Variants in PABPC4L observed in about 807,000 individuals in gnomAD.
The protein encoded by PABPC4L is poly(A) binding protein cytoplasmic 4 like.
For missense variants in PABPC4L, 452 were observed against 451.4 expected (o/e 1.00, Z -0.01); for synonymous variants, 169 against 164.1 (o/e 1.03, Z -0.23).
chr4:134,104,711 G>C, the PABPC4L span, among the ~76,000 whole-genome samples: 1 of 151,546 alleles, frequency 6.6e-6, no homozygotes, highest in African/African-American at 2.4e-5. Context: ...TCTCAGGTCA[G>C]CTTCTTTAGT....
the PABPC4L span, among the ~76,000 whole-genome samples, chr4:133,966,879 A>C: frequency 6.6e-6 from 1 of 152,190 alleles, no homozygotes; most frequent in Admixed American, 6.5e-5. Context: ...TCAAAAACAT[A>C]TTAGCAATGC....
the PABPC4L span, among the ~76,000 whole-genome samples, chr4:134,086,351 A>C: frequency 2.0e-5 from 3 of 152,142 alleles, no homozygotes; most frequent in Admixed American, 6.6e-5. Flanking sequence ...AGTGGCTTGC[A>C]TTGTCACTCC....
At chr4:134,141,122 T>G in the PABPC4L span, among the ~76,000 whole-genome samples, 68,620 of 151,446 alleles carry the variant, frequency 0.45, 18,026 homozygotes, top group East Asian at 0.98. Context: ...CATTGTACAA[T>G]CAGTACAAAA....
At chr4:134,180,932 A>G in the PABPC4L span, among the ~76,000 whole-genome samples, 1 of 151,804 alleles carries the variant, frequency 6.6e-6, no homozygotes, top group Non-Finnish European at 1.5e-5. Flanking sequence ...ATAATCCATA[A>G]CCCACTTCTA....
At chr4:134,168,695 TA>T in the PABPC4L span, among the ~76,000 whole-genome samples, 1 of 151,850 alleles carries the variant, frequency 6.6e-6, no homozygotes, top group Non-Finnish European at 1.5e-5. Context: ...CCTAGACACA[TA>T]AAACCTACCA....
At chr4:134,175,680 C>A in the PABPC4L span, among the ~76,000 whole-genome samples, 1 of 152,188 alleles carries the variant, frequency 6.6e-6, no homozygotes, top group African/African-American at 2.4e-5. Context: ...AATTCCTGGC[C>A]TCATGTGATT....
chr4:134,037,855 C>G, the PABPC4L span, among the ~76,000 whole-genome samples: 2 of 152,130 alleles, frequency 1.3e-5, no homozygotes, highest in Non-Finnish European at 2.9e-5. Context: ...ACTTCCAATA[C>G]TATCTTGAAT....
At chr4:134,088,181 G>A in the PABPC4L span, among the ~76,000 whole-genome samples, 1 of 151,826 alleles carries the variant, frequency 6.6e-6, no homozygotes, top group Non-Finnish European at 1.5e-5. Flanking sequence ...ATATTCTGGG[G>A]TTTACTCCTT....
the PABPC4L span, among the ~76,000 whole-genome samples, chr4:134,003,026 G>C: frequency 6.6e-6 from 1 of 151,826 alleles, no homozygotes; most frequent in East Asian, 1.9e-4. Flanking sequence ...CTGCTTCAGA[G>C]GTATATATTG....
chr4:133,961,333 G>T, the PABPC4L span, among the ~76,000 whole-genome samples: 1 of 152,106 alleles, frequency 6.6e-6, no homozygotes, highest in African/African-American at 2.4e-5. Context: ...CAGCTCAGCT[G>T]TCAGTGAGAG....
At chr4:134,165,481 C>G in the PABPC4L span, among the ~76,000 whole-genome samples, 1 of 152,030 alleles carries the variant, frequency 6.6e-6, no homozygotes, top group African/African-American at 2.4e-5. Context: ...GCAGATGACA[C>G]GAGTAGACAT....
the PABPC4L span, among the ~76,000 whole-genome samples, chr4:134,185,010 C>T: frequency 1.3e-5 from 2 of 151,990 alleles, no homozygotes; most frequent in African/African-American, 4.8e-5. Flanking sequence ...TTTTTTAAAT[C>T]AGGTAATTCA....
chr4:134,131,127 G>A, the PABPC4L span, among the ~76,000 whole-genome samples: 5 of 151,998 alleles, frequency 3.3e-5, no homozygotes, highest in Non-Finnish European at 5.9e-5. Context: ...CCTGAGAACT[G>A]GCACAAGACA....
the PABPC4L span, among the ~76,000 whole-genome samples, chr4:134,114,905 G>A: frequency 6.6e-6 from 1 of 151,814 alleles, no homozygotes; most frequent in Non-Finnish European, 1.5e-5. Context: ...TCAAAGAATT[G>A]TAGTCAATTT....
chr4:134,011,194 T>A, the PABPC4L span, among the ~76,000 whole-genome samples: 1 of 152,090 alleles, frequency 6.6e-6, no homozygotes, highest in Non-Finnish European at 1.5e-5. Context: ...CACCTTCAAT[T>A]TATATTAGAA....
At chr4:134,120,027 A>G in the PABPC4L span, among the ~76,000 whole-genome samples, 1 of 151,734 alleles carries the variant, frequency 6.6e-6, no homozygotes, top group East Asian at 1.9e-4. Context: ...AGTGTTTTAT[A>G]TACTGCTCTG....
the PABPC4L span, among the ~76,000 whole-genome samples, chr4:134,047,621 T>C: frequency 6.6e-6 from 1 of 152,152 alleles, no homozygotes; most frequent in Non-Finnish European, 1.5e-5. Context: ...AAAAAAATGT[T>C]GCTTTTACTT....
At chr4:134,045,061 T>C in the PABPC4L span, among the ~76,000 whole-genome samples, 2 of 152,148 alleles carry the variant, frequency 1.3e-5, no homozygotes, top group South Asian at 4.1e-4. Context: ...ATTTTATTCT[T>C]TGATCGCAAG....
the PABPC4L span, among the ~76,000 whole-genome samples, chr4:134,040,359 G>A: frequency 6.6e-6 from 1 of 151,982 alleles, no homozygotes; most frequent in Non-Finnish European, 1.5e-5. Context: ...AAACAGCATG[G>A]TACTGGTACC....
Sources: gnomAD v4.1 joint callset for allele counts (sites outside exome capture counted in the v4.1 genomes callset) on GRCh38, gnomAD v4.1.1 for gene constraint, MANE v1.5 for transcripts, NCBI Gene and HGNC (gene_info 2026-07-23, HGNC 2026-07-21) for gene names.